COMMD10: variants seen among roughly 807,000 people sequenced by gnomAD.
The protein encoded by COMMD10 is COMM domain containing 10, also known as COMM domain-containing protein 10.
In COMMD10, 33 loss-of-function variants were observed where a neutral mutation model predicts 28.9. The observed-to-expected ratio is 1.14, with a 90% CI of 0.87 to 1.53. The LOEUF (loss-of-function observed/expected upper bound fraction) is 1.53. COMMD10 is among the 40% of genes most tolerant of loss of function. The pLI, the probability that COMMD10 is intolerant of heterozygous loss-of-function variation, is 0.00. For missense variants in COMMD10, 310 were observed against 233.4 expected (o/e 1.33, Z -2.14); for synonymous variants, 110 against 81.7 (o/e 1.35, Z -1.87).
intron 5 of COMMD10, among the ~76,000 whole-genome samples, chr5:116,151,601 G>T (rs533764990): frequency 1.3e-5 from 2 of 152,188 alleles, no homozygotes; most frequent in East Asian, 3.9e-4. Flanking sequence ...TATATGTGTC[G>T]AGGAATTTAT....
intron 5 of COMMD10, among the ~76,000 whole-genome samples, chr5:116,212,522 G>GTGTGTA (rs71223098): frequency 2.4e-4 from 32 of 132,132 alleles, no homozygotes; most frequent in South Asian, 2.9e-4. Context: ...GTGTGTGTGT[G>GTGTGTA]TAGAATGTGA....
At chr5:116,109,365 C>T (rs1750964280) in intron 4 of COMMD10, among the ~76,000 whole-genome samples, 1 of 152,184 alleles carries the variant, frequency 6.6e-6, no homozygotes, top group Non-Finnish European at 1.5e-5. Flanking sequence ...GGGTGGATCA[C>T]CACTCCTGGG....
chr5:116,261,489 T>C (rs1010583892), intron 5 of COMMD10, among the ~76,000 whole-genome samples: 1 of 151,680 alleles, frequency 6.6e-6, no homozygotes, highest in Non-Finnish European at 1.5e-5. Flanking sequence ...TAAAACTCTT[T>C]TATCAAATTG....
chr5:116,163,252 T>C (rs1181993687), intron 5 of COMMD10, among the ~76,000 whole-genome samples: 1 of 149,180 alleles, frequency 6.7e-6, no homozygotes, highest in African/African-American at 2.5e-5. Flanking sequence ...AAAAAAAGTA[T>C]TGGCGTTTTC....
intron 5 of COMMD10, among the ~76,000 whole-genome samples, chr5:116,175,072 T>A (rs1273785988): frequency 6.6e-6 from 1 of 152,188 alleles, no homozygotes; most frequent in Non-Finnish European, 1.5e-5. Flanking sequence ...ACTTCCTGAA[T>A]GTCTTTCTAA....
At chr5:116,252,449 C>T (rs10477552) in intron 5 of COMMD10, among the ~76,000 whole-genome samples, 110,031 of 111,756 alleles carry the variant, frequency 0.98, 54,380 homozygotes, top group East Asian at 1. Context: ...CATTTAAGTC[C>T]TGAATCCATC....
intron 4 of COMMD10, among the ~76,000 whole-genome samples, chr5:116,122,331 A>G (rs1051569132): frequency 7.2e-5 from 11 of 152,014 alleles, no homozygotes; most frequent in African/African-American, 2.7e-4. Context: ...GTTCTGTTCC[A>G]TTGGTCTGTA....
At chr5:116,243,468 AAACATACAAATTC>A (rs1749865198) in intron 5 of COMMD10, among the ~76,000 whole-genome samples, 1 of 152,178 alleles carries the variant, frequency 6.6e-6, no homozygotes, top group African/African-American at 2.4e-5. Flanking sequence ...AGAAATTATA[AAACATACAAATTC>A]CTATTTGTCA....
chr5:116,275,466 T>A (rs1367417760), intron 5 of COMMD10, among the ~76,000 whole-genome samples: 1 of 151,750 alleles, frequency 6.6e-6, no homozygotes, highest in Non-Finnish European at 1.5e-5. Context: ...CCCTATACTT[T>A]GCCTGTTAGG....
At chr5:116,271,832 A>G (rs1279828255) in intron 5 of COMMD10, among the ~76,000 whole-genome samples, 3 of 151,888 alleles carry the variant, frequency 2.0e-5, no homozygotes, top group South Asian at 4.1e-4. Flanking sequence ...GCTCCATACA[A>G]ACATTCCACT....
At chr5:116,218,218 T>A in intron 5 of COMMD10, 1 of 762,072 alleles carries the variant, frequency 1.3e-6, no homozygotes, top group East Asian at 2.5e-5. Context: ...CGGACAACCT[T>A]GCAGATCTTC....
chr5:116,253,544 G>A (rs173818), intron 5 of COMMD10, among the ~76,000 whole-genome samples: 110,525 of 127,888 alleles, frequency 0.86, 48,010 homozygotes, highest in Non-Finnish European at 0.89. Flanking sequence ...TTCTGCATCT[G>A]TTGAGATAAT....
intron 5 of COMMD10, among the ~76,000 whole-genome samples, chr5:116,149,215 A>G (rs536794454): frequency 2.2e-4 from 32 of 146,766 alleles, no homozygotes; most frequent in Admixed American, 4.7e-4. Flanking sequence ...GTAGTATTCC[A>G]TGGTATATAT....
intron 5 of COMMD10, among the ~76,000 whole-genome samples, chr5:116,221,931 A>C (rs2112645079): frequency 6.6e-6 from 1 of 152,282 alleles, no homozygotes; most frequent in African/African-American, 2.4e-5. Flanking sequence ...ACCAGAAAAA[A>C]ATCAAGCCTG....
chr5:116,188,930 C>T (rs1462531517), intron 5 of COMMD10, among the ~76,000 whole-genome samples: 1 of 152,146 alleles, frequency 6.6e-6, no homozygotes, highest in Non-Finnish European at 1.5e-5. Context: ...GCACCCAGCC[C>T]ATATGTTTGT....
intron 5 of COMMD10, among the ~76,000 whole-genome samples, chr5:116,141,003 C>G (rs1054585976): frequency 1.3e-5 from 2 of 151,714 alleles, no homozygotes; most frequent in South Asian, 2.1e-4. Flanking sequence ...AAATATCAGA[C>G]TAGGATGAAC....
intron 5 of COMMD10, among the ~76,000 whole-genome samples, chr5:116,221,743 C>G (rs1250000174): frequency 6.6e-6 from 1 of 152,134 alleles, no homozygotes; most frequent in Admixed American, 6.5e-5. Flanking sequence ...TGTTTTTCAA[C>G]ATTATGCTTT....
At chr5:116,119,361 A>G (rs1007121954) in intron 4 of COMMD10, among the ~76,000 whole-genome samples, 1 of 152,210 alleles carries the variant, frequency 6.6e-6, no homozygotes, top group Non-Finnish European at 1.5e-5. Flanking sequence ...TTGATGTAGC[A>G]GCCAAATTAA....
chr5:116,133,760 A>G (rs1751934778), intron 4 of COMMD10, among the ~76,000 whole-genome samples: 1 of 152,212 alleles, frequency 6.6e-6, no homozygotes, highest in African/African-American at 2.4e-5. Context: ...GTAATTTACT[A>G]TTTAATATTT....
Sources: gnomAD v4.1 joint callset for allele counts (sites outside exome capture counted in the v4.1 genomes callset) on GRCh38, gnomAD v4.1.1 for gene constraint, MANE v1.5 for transcripts, NCBI Gene and HGNC (gene_info 2026-07-23, HGNC 2026-07-21) for gene names.